C8orf34: variants seen among roughly 807,000 people sequenced by gnomAD.
The protein encoded by C8orf34 is chromosome 8 open reading frame 34, also known as uncharacterized protein C8orf34.
A neutral mutation model predicts 68.3 loss-of-function variants in C8orf34; 65 were observed. The observed-to-expected ratio is 0.95, with a 90% CI of 0.78 to 1.17. The LOEUF (loss-of-function observed/expected upper bound fraction) is 1.17. C8orf34 is among the 50% of genes most tolerant of loss of function. The pLI, the probability that C8orf34 is intolerant of heterozygous loss-of-function variation, is 0.00. For synonymous variants in C8orf34, 244 were observed against 241.2 expected (o/e 1.01, Z -0.11); for missense variants, 664 against 655.4 (o/e 1.01, Z -0.14).
Position 68,790,190 on chromosome 8 carries a change from A to T in C8orf34, c.1549+2654A>T, listed in dbSNP as rs116236160. 3.5e-3 allele frequency among the ~76,000 whole-genome samples: 538 copies of T among 152,306 alleles called. 6 individuals carry two copies. The highest frequency in any genetic ancestry group is 0.012 in the African/African-American group (509 of 41,562). On this transcript the variant is annotated intron_variant, in intron 12 of 13. Coordinates refer to ENST00000518698, the MANE Select transcript of C8orf34 (RefSeq NM_052958.4). Reference sequence around the variant, plus strand: ...GTATCTCCACTGATACTTTCAGTCAACGCATGTGGTTTGCAGAACAGCTGG... The same window carrying T: ...GTATCTCCACTGATACTTTCAGTCATCGCATGTGGTTTGCAGAACAGCTGG...
intron 7 of C8orf34, among the ~76,000 whole-genome samples, chr8:68,634,788 GT>G (rs933042490): frequency 6.6e-6 from 1 of 152,110 alleles, no homozygotes; most frequent in African/African-American, 2.4e-5. Flanking sequence ...AAAATAATGA[GT>G]ATTTGTAAAG....
intron 10 of C8orf34, among the ~76,000 whole-genome samples, chr8:68,743,388 T>C (rs10102202): frequency 0.63 from 95,284 of 152,080 alleles, 30,080 homozygotes; most frequent in African/African-American, 0.71. Flanking sequence ...GGAACAGCTC[T>C]GGTCTACAGC....
chr8:68,388,339 C>T (rs1808345790), intron 1 of C8orf34, among the ~76,000 whole-genome samples: 1 of 152,116 alleles, frequency 6.6e-6, no homozygotes, highest in African/African-American at 2.4e-5. Context: ...ACATAGCTTT[C>T]CTTCTCTAGA....
At chr8:68,510,022 T>C (rs760792042) in intron 5 of C8orf34, among the ~76,000 whole-genome samples, 3 of 152,204 alleles carry the variant, frequency 2.0e-5, no homozygotes, top group East Asian at 3.9e-4. Context: ...CTTGGCTTAA[T>C]TGGCAGGAAT....
chr8:68,485,275 T>C (rs1295207496), intron 4 of C8orf34, among the ~76,000 whole-genome samples: 4 of 152,182 alleles, frequency 2.6e-5, no homozygotes, highest in African/African-American at 9.6e-5. Flanking sequence ...GGAACAGTGA[T>C]ATATTGCCAC....
chr8:68,772,868 T>TTTCC (rs370121635), intron 10 of C8orf34, among the ~76,000 whole-genome samples: 35 of 150,388 alleles, frequency 2.3e-4, no homozygotes, highest in South Asian at 1.9e-3. Context: ...TCCTTCCTTC[T>TTTCC]TTCCTTCCTT....
At chr8:68,460,563 C>T (rs1029664059) in intron 3 of C8orf34, among the ~76,000 whole-genome samples, 2 of 152,160 alleles carry the variant, frequency 1.3e-5, no homozygotes, top group Non-Finnish European at 2.9e-5. Context: ...AGACTGACAC[C>T]TCACATGGCC....
chr8:68,752,349 C>A (rs769095964), intron 10 of C8orf34, among the ~76,000 whole-genome samples: 10 of 152,164 alleles, frequency 6.6e-5, no homozygotes, highest in Non-Finnish European at 1.0e-4. Context: ...CTTGTAAGTT[C>A]ATTGCTCATC....
chr8:68,515,017 A>G (rs1814445381), intron 5 of C8orf34, among the ~76,000 whole-genome samples: 1 of 152,202 alleles, frequency 6.6e-6, no homozygotes, highest in South Asian at 2.1e-4. Flanking sequence ...CATTGAAACA[A>G]TTGAATAGTG....
chr8:68,460,301 T>A (rs1194751328), intron 3 of C8orf34, among the ~76,000 whole-genome samples: 1 of 152,214 alleles, frequency 6.6e-6, no homozygotes, highest in African/African-American at 2.4e-5. Context: ...CTCGAACTGC[T>A]TGGAGCCCAC....
intron 1 of C8orf34, among the ~76,000 whole-genome samples, chr8:68,367,767 G>T: frequency 7.6e-6 from 1 of 132,064 alleles, no homozygotes; most frequent in Admixed American, 7.7e-5. Flanking sequence ...GGGGAGGGGG[G>T]ATGGATAGCA....
At chr8:68,364,650 G>A (rs527976227) in intron 1 of C8orf34, among the ~76,000 whole-genome samples, 116 of 113,082 alleles carry the variant, frequency 1.0e-3, no homozygotes, top group African/African-American at 4.0e-3. Flanking sequence ...TGACTACTGG[G>A]TACATAACGA....
At chr8:68,628,496 A>G (rs928502250) in intron 7 of C8orf34, among the ~76,000 whole-genome samples, 1 of 152,088 alleles carries the variant, frequency 6.6e-6, no homozygotes, top group African/African-American at 2.4e-5. Flanking sequence ...TACACGTTTT[A>G]TTTTAAACTT....
In C8orf34 at chr8:68,758,349, T is replaced by C. The variant is rs138609764; in HGVS notation, c.1405-18050T>C. 9.2e-5 allele frequency among the ~76,000 whole-genome samples: 14 copies of C among 152,320 alleles called. No individual in the cohort carries two copies. In the East Asian group the frequency reaches 2.7e-3, roughly 29 times the overall value. Reference sequence around the variant, plus strand: ...TCTGTGGGTCAGTAGATTTTGGTAGTCCACCCCATAGTAGTATAACAGCAA... The same window carrying C: ...TCTGTGGGTCAGTAGATTTTGGTAGCCCACCCCATAGTAGTATAACAGCAA... On this transcript the variant is annotated intron_variant, in intron 10 of 13. Coordinates refer to ENST00000518698, the MANE Select transcript of C8orf34 (RefSeq NM_052958.4).
chr8:68,747,030 T>A (rs1263325964), intron 10 of C8orf34, among the ~76,000 whole-genome samples: 2 of 149,322 alleles, frequency 1.3e-5, no homozygotes, highest in African/African-American at 4.9e-5. Context: ...AAAAAGCTTA[T>A]CCACCATGAT....
chr8:68,742,377 G>A (rs78000165), intron 10 of C8orf34, among the ~76,000 whole-genome samples: 12,609 of 152,126 alleles, frequency 0.083, 567 homozygotes, highest in Middle Eastern at 0.17. Context: ...AAACTATCAA[G>A]CAAGTAAAAC....
In C8orf34 at chr8:68,331,063, A is replaced by G. The variant is rs371550909; in HGVS notation, c.51A>G (p.Pro17=). The G allele has an allele frequency of 1.2e-4, 177 of 1,483,012 alleles. 4 individuals are homozygous for G. The highest frequency in any genetic ancestry group is 1.1e-3 in the East Asian group (41 of 35,824). 91.9% of individuals were successfully genotyped at this position (1,483,012 alleles called of 1,614,324 possible). Reference sequence around the variant, plus strand: ...TGTCTGAGTTGGCGGCGCTGCGCCCAGGCTTCCGGCTCTCAGCGCCCCACG... The same window carrying G: ...TGTCTGAGTTGGCGGCGCTGCGCCCGGGCTTCCGGCTCTCAGCGCCCCACG... The part of the protein sequence containing the change: ...SELSELAALR[P]GFRLSAPHAR... Residue 17 remains proline (P), a synonymous_variant, in exon 1 of 14, where the codon CCA becomes CCG. Coordinates refer to ENST00000518698, the MANE Select transcript of C8orf34 (RefSeq NM_052958.4).
intron 13 of C8orf34, among the ~76,000 whole-genome samples, chr8:68,817,618 A>G (rs1159937050): frequency 6.6e-6 from 1 of 152,166 alleles, no homozygotes; most frequent in Non-Finnish European, 1.5e-5. Flanking sequence ...CAAAGCAGAA[A>G]AAACATGTAA....
chr8:68,630,602 TATTA>T (rs1465644425), intron 7 of C8orf34, among the ~76,000 whole-genome samples: 1 of 152,132 alleles, frequency 6.6e-6, no homozygotes, highest in African/African-American at 2.4e-5. Context: ...GTAATATATT[TATTA>T]ATTCATTCAC....
Sources: allele counts gnomAD v4.1 joint callset (sites outside exome capture counted in the v4.1 genomes callset), GRCh38; gene constraint gnomAD v4.1.1; transcripts MANE v1.5; gene names NCBI Gene and HGNC (gene_info 2026-07-23, HGNC 2026-07-21).